CTDSPL: variants seen among roughly 807,000 people sequenced by gnomAD.
CTDSPL encodes the protein CTD small phosphatase-like protein.
A neutral mutation model predicts 30.5 loss-of-function variants in CTDSPL; 8 were observed. The ratio of observed to expected loss-of-function variants is 0.26; its 90% CI spans 0.15 to 0.47. The LOEUF (loss-of-function observed/expected upper bound fraction) is 0.47, where lower values mean the gene tolerates loss of function less well. Among genes scored for constraint, CTDSPL ranks in the 20% least tolerant of loss-of-function variants. The pLI is 0.99. For missense variants in CTDSPL, 248 were observed against 366.1 expected, an observed-to-expected ratio of 0.68 and a Z score of 2.63; for synonymous variants, 110 against 137.9, an observed-to-expected ratio of 0.80 and a Z score of 1.42.
chr3:37,872,898 G>A (rs1698092950), intron 1 of CTDSPL, among the ~76,000 whole-genome samples: 1 of 152,108 alleles, frequency 6.6e-6, no homozygotes, highest in Admixed American at 6.6e-5. Context: ...TTGACCTGCT[G>A]CTGGGCAGGA....
chr3:37,975,919 TGTC>T lies in CTDSPL; in HGVS notation c.705+28_705+30del. The stretch of plus-strand genomic sequence containing the variant: ...AGTAAGTGGCCCCAAAGAAAGAAAA[TGTC>T]GTGCTCCATCTGAGCCCTCTGTCTT... On this transcript the variant is annotated intron_variant, in intron 7 of 7. Coordinates refer to ENST00000273179, the MANE Select transcript of CTDSPL (RefSeq NM_001008392.2). The surrounding 1 kb of genome is among the most constrained non-coding windows in gnomAD (Gnocchi z 4.9). 1 of 1,606,700 alleles carries T rather than the reference TGTC, an allele frequency of 6.2e-7. No individual in the cohort carries two copies. The highest frequency in any genetic ancestry group is 8.5e-7 in the Non-Finnish European group (1 of 1,174,396).
intron 1 of CTDSPL, among the ~76,000 whole-genome samples, chr3:37,883,879 C>A (rs944806673): frequency 6.6e-6 from 1 of 152,140 alleles, no homozygotes; most frequent in African/African-American, 2.4e-5. Flanking sequence ...GAAAGTTGCT[C>A]AAAATATCCT....
intron 7 of CTDSPL, among the ~76,000 whole-genome samples, chr3:37,978,237 G>T (rs1699451526): frequency 6.6e-6 from 1 of 152,132 alleles, no homozygotes; most frequent in Non-Finnish European, 1.5e-5. Flanking sequence ...TGGATTTGTT[G>T]TAGTTTCAGT....
chr3:37,873,620 T>A (rs1698102094), intron 1 of CTDSPL, among the ~76,000 whole-genome samples: 1 of 152,232 alleles, frequency 6.6e-6, no homozygotes, highest in Admixed American at 6.5e-5. Context: ...CTACTCCATC[T>A]TCTTGGAGGC....
At chr3:37,943,878 T>G (rs973147064) in intron 1 of CTDSPL, among the ~76,000 whole-genome samples, 4 of 150,252 alleles carry the variant, frequency 2.7e-5, no homozygotes, top group Non-Finnish European at 4.5e-5. Flanking sequence ...GGACACTTCT[T>G]TGGTACCTTC....
chr3:37,922,989 G>A (rs1237063162), intron 1 of CTDSPL, among the ~76,000 whole-genome samples: 1 of 152,218 alleles, frequency 6.6e-6, no homozygotes, highest in Non-Finnish European at 1.5e-5. Context: ...ACTACCCTGT[G>A]TTACCTTATC....
In CTDSPL at chr3:37,864,849, A is replaced by G. The variant is rs146756653; in HGVS notation, c.79+2571A>G. Among the ~76,000 whole-genome samples, 651 of 152,312 alleles carry G rather than the reference A, an allele frequency of 4.3e-3. 23 individuals carry two copies. In the South Asian group the frequency reaches 0.077, roughly 18 times the overall value. On this transcript the variant is annotated intron_variant, in intron 1 of 7. Coordinates refer to ENST00000273179, the MANE Select transcript of CTDSPL (RefSeq NM_001008392.2). Reference sequence around the variant, plus strand: ...ATTTTAAATATTTAAGTTTTATAATAGGGAAGAAACTATTGCTTTTACATG... The same window carrying G: ...ATTTTAAATATTTAAGTTTTATAATGGGGAAGAAACTATTGCTTTTACATG...
chr3:37,933,024 G>T (rs1018356015), intron 1 of CTDSPL, among the ~76,000 whole-genome samples: 7 of 151,936 alleles, frequency 4.6e-5, no homozygotes, highest in African/African-American at 1.7e-4. Flanking sequence ...ATGGTGGTGG[G>T]CACGTGTAAT....
chr3:37,976,962 G>T (rs1174062925), intron 7 of CTDSPL, among the ~76,000 whole-genome samples: 1 of 151,992 alleles, frequency 6.6e-6, no homozygotes, highest in Non-Finnish European at 1.5e-5. Flanking sequence ...TCAAGCACAG[G>T]CTTCTCAGAT....
At chr3:37,872,714 A>G (rs899489491) in intron 1 of CTDSPL, among the ~76,000 whole-genome samples, 1 of 150,212 alleles carries the variant, frequency 6.7e-6, no homozygotes, top group Admixed American at 6.6e-5. Context: ...AGCTGGGACT[A>G]CAAGTGCCTG....
At chr3:37,894,156 A>C (rs1698364309) in intron 1 of CTDSPL, among the ~76,000 whole-genome samples, 2 of 152,156 alleles carry the variant, frequency 1.3e-5, no homozygotes, top group African/African-American at 4.8e-5. Flanking sequence ...ATCGTAGCTC[A>C]CTGCAGCCTT....
intron 3 of CTDSPL, among the ~76,000 whole-genome samples, chr3:37,959,612 T>A (rs893228386): frequency 6.6e-6 from 1 of 152,236 alleles, no homozygotes. Flanking sequence ...CCTCATTGTT[T>A]TATATTTCAT....
In CTDSPL at chr3:37,875,791, A is replaced by T. The variant is rs1698128159; in HGVS notation, c.79+13513A>T. On this transcript the variant is annotated intron_variant, in intron 1 of 7. Coordinates refer to ENST00000273179, the MANE Select transcript of CTDSPL (RefSeq NM_001008392.2). ...CATATTCATTTTTGTTTTAGTTAGA[A>T]TTATACATTTCATAGCAATCGTGAA... 2.0e-5 allele frequency among the ~76,000 whole-genome samples: 3 copies of T among 152,258 alleles called. No individual in the cohort carries two copies. The South Asian group carries it at 6.2e-4, about 31-fold the overall frequency.
intron 4 of CTDSPL, among the ~76,000 whole-genome samples, chr3:37,964,976 C>CA (rs2125630842): frequency 6.6e-6 from 1 of 152,306 alleles, no homozygotes; most frequent in African/African-American, 2.4e-5. Context: ...ACAAGGCACT[C>CA]AGTGCCCCCA....
intron 5 of CTDSPL, chr3:37,969,352 G>A: frequency 2.0e-6 from 1 of 499,124 alleles, no homozygotes; most frequent in South Asian, 1.5e-5. Flanking sequence ...TCTCCCGAGG[G>A]AATGAAGCCA....
At chr3:37,952,054 A>G (rs549608531) in intron 2 of CTDSPL, among the ~76,000 whole-genome samples, 8 of 152,036 alleles carry the variant, frequency 5.3e-5, no homozygotes, top group Admixed American at 2.6e-4. Context: ...GCTAATGTCT[A>G]TAATCCCTGC....
chr3:37,916,983 T>C (rs767984019), intron 1 of CTDSPL, among the ~76,000 whole-genome samples: 1 of 152,206 alleles, frequency 6.6e-6, no homozygotes, highest in African/African-American at 2.4e-5. Flanking sequence ...TCCACTGACA[T>C]GCTGCAGGTT....
chr3:37,888,196 G>A (rs941532568), intron 1 of CTDSPL, among the ~76,000 whole-genome samples: 6 of 152,160 alleles, frequency 3.9e-5, no homozygotes, highest in African/African-American at 1.2e-4. Context: ...TTACTGTCAG[G>A]CTAACACCAA....
chr3:37,900,867 C>T (rs530641980), intron 1 of CTDSPL, among the ~76,000 whole-genome samples: 2 of 152,124 alleles, frequency 1.3e-5, no homozygotes, highest in African/African-American at 2.4e-5. Flanking sequence ...GGCACAATCT[C>T]GGCTTACTGC....
Sources: gnomAD v4.1 joint callset for allele counts (sites outside exome capture counted in the v4.1 genomes callset) on GRCh38, gnomAD v4.1.1 for gene constraint, Gnocchi (gnomAD v3.1) non-coding constraint, MANE v1.5 for transcripts, NCBI Gene and HGNC (gene_info 2026-07-23, HGNC 2026-07-21) for gene names.